Variants in TMPRSS15 observed in about 807,000 individuals in gnomAD.
The protein encoded by TMPRSS15 is enteropeptidase.
TMPRSS15 carries 128 observed loss-of-function variants against 125.3 expected under a neutral mutation model. The observed-to-expected ratio is 1.02, with a 90% CI of 0.89 to 1.18. TMPRSS15 has a LOEUF of 1.18. Ranked by LOEUF, TMPRSS15 falls within the 50% of genes most tolerant of loss-of-function variation. The probability of loss-of-function intolerance (pLI) is 0.00; values close to 1 mark genes in which losing one functional copy is unlikely to be tolerated. For missense variants in TMPRSS15, 1,283 were observed against 1,212.7 expected, an observed-to-expected ratio of 1.06 and a Z score of -0.86; for synonymous variants, 446 against 423.2, an observed-to-expected ratio of 1.05 and a Z score of -0.66.
intron 1 of TMPRSS15, among the ~76,000 whole-genome samples, chr21:18,473,777 T>C (rs1978824656): frequency 6.6e-6 from 1 of 152,150 alleles, no homozygotes; most frequent in Non-Finnish European, 1.5e-5. Context: ...TGTTTTTGCC[T>C]GCATATTGTA....
At chr21:18,436,943 A>G (rs1479573864) in intron 1 of TMPRSS15, among the ~76,000 whole-genome samples, 1 of 117,904 alleles carries the variant, frequency 8.5e-6, no homozygotes, top group East Asian at 2.4e-4. Context: ...CAAGCTACCA[A>G]CGACTTTCTT....
chr21:18,429,718 G>T (rs2076212349), intron 1 of TMPRSS15, among the ~76,000 whole-genome samples: 1 of 152,088 alleles, frequency 6.6e-6, no homozygotes, highest in Non-Finnish European at 1.5e-5. Flanking sequence ...CCAGTCTTGG[G>T]TATGTCTTTA....
At chr21:18,383,139 A>G (rs1475700619) in intron 4 of TMPRSS15, among the ~76,000 whole-genome samples, 2 of 152,062 alleles carry the variant, frequency 1.3e-5, no homozygotes, top group Non-Finnish European at 2.9e-5. Context: ...TGAACGGTGC[A>G]AAGAATGCGT....
At chr21:18,430,781 G>C (rs1474462023) in intron 1 of TMPRSS15, among the ~76,000 whole-genome samples, 4 of 152,116 alleles carry the variant, frequency 2.6e-5, no homozygotes, top group Non-Finnish European at 4.4e-5. Flanking sequence ...ATGTAGCTCT[G>C]ATATTCCCTT....
intron 1 of TMPRSS15, among the ~76,000 whole-genome samples, chr21:18,471,895 A>C (rs1248662451): frequency 6.6e-6 from 1 of 152,164 alleles, no homozygotes; most frequent in Non-Finnish European, 1.5e-5. Context: ...GAATCAGCGA[A>C]TCAGCACTCA....
chr21:18,313,188 A>G (rs2146936519), intron 17 of TMPRSS15, 111 bp from the exon 18 acceptor site: 1 of 790,702 alleles, frequency 1.3e-6, no homozygotes, highest in Non-Finnish European at 2.2e-6. Context: ...GAATAAGTTC[A>G]TGAGATCTCT....
At chr21:18,455,733 C>G (rs1978428278) in intron 1 of TMPRSS15, among the ~76,000 whole-genome samples, 1 of 152,150 alleles carries the variant, frequency 6.6e-6, no homozygotes, top group Non-Finnish European at 1.5e-5. Flanking sequence ...TAGCTATCAA[C>G]AGTGACAATC....
chr21:18,371,949 G>A (rs1185993490), intron 6 of TMPRSS15, among the ~76,000 whole-genome samples: 2 of 151,678 alleles, frequency 1.3e-5, no homozygotes, highest in African/African-American at 4.8e-5. Flanking sequence ...GTGATCAAAT[G>A]GAATTCTGTT....
chr21:18,306,735 A>T (rs754989256), intron 18 of TMPRSS15, among the ~76,000 whole-genome samples: 2 of 152,148 alleles, frequency 1.3e-5, no homozygotes, highest in Non-Finnish European at 2.9e-5. Context: ...TGGGTTAGTA[A>T]CAGGGAAATG....
chr21:18,353,867 C>T lies in TMPRSS15; in HGVS notation c.881-4G>A. On this transcript the variant is annotated splice_polypyrimidine_tract_variant and splice_region_variant and intron_variant, in intron 8 of 24. Transcript: ENST00000284885. ...GGATTAGTTTCCCAAATAGAAGCTA[C>T]AAAATAAAATAAACAACTGTTATAT... 6 of 1,609,336 alleles carry T rather than the reference C, an allele frequency of 3.7e-6. No homozygotes were observed. Among genetic ancestry groups the T allele is most frequent in the Non-Finnish European group, 5.1e-6 (6 of 1,176,606 alleles).
chr21:18,443,026 A>G (rs1388779037), intron 1 of TMPRSS15, among the ~76,000 whole-genome samples: 1 of 152,196 alleles, frequency 6.6e-6, no homozygotes, highest in Non-Finnish European at 1.5e-5. Context: ...GTTCAAATAT[A>G]CTGACCCATC....
At chr21:18,462,814 T>C (rs1978576303) in intron 1 of TMPRSS15, among the ~76,000 whole-genome samples, 3 of 151,902 alleles carry the variant, frequency 2.0e-5, no homozygotes, top group Admixed American at 2.0e-4. Flanking sequence ...GAGAGAAAGG[T>C]CAGGTTACCC....
intron 15 of TMPRSS15, among the ~76,000 whole-genome samples, chr21:18,327,539 G>A (rs2075304037): frequency 6.6e-6 from 1 of 152,030 alleles, no homozygotes; most frequent in African/African-American, 2.4e-5. Context: ...CTACATAAGG[G>A]TTGACTGATG....
rs760076873 is a variant in TMPRSS15, at chr21:18,306,090, G to A, written c.2165+6855C>T. Among the ~76,000 whole-genome samples the A allele has an allele frequency of 5.9e-5, 9 of 152,128 alleles. No homozygotes were observed. The South Asian group carries it at 6.2e-4, about 11-fold the overall frequency. ...TTATTTATTTCTGTGTAAAGTTAGCGAATTAAGTAGAAATCATCTAAAGCC... is the reference window on the plus strand; with the variant it reads ...TTATTTATTTCTGTGTAAAGTTAGCAAATTAAGTAGAAATCATCTAAAGCC... On this transcript the variant is annotated intron_variant, in intron 18 of 24. Coordinates refer to ENST00000284885, the MANE Select transcript of TMPRSS15 (RefSeq NM_002772.3).
At chr21:18,272,508 G>C (rs1282064150) in intron 24 of TMPRSS15, among the ~76,000 whole-genome samples, 1 of 152,104 alleles carries the variant, frequency 6.6e-6, no homozygotes, top group Non-Finnish European at 1.5e-5. Context: ...TGGATCACCT[G>C]AGATCAGGAG....
intron 1 of TMPRSS15, among the ~76,000 whole-genome samples, chr21:18,451,263 A>C (rs1185777602): frequency 6.6e-6 from 1 of 152,176 alleles, no homozygotes; most frequent in Non-Finnish European, 1.5e-5. Context: ...CTATTAGCTT[A>C]TCTGTTGTTA....
intron 17 of TMPRSS15, among the ~76,000 whole-genome samples, chr21:18,313,906 A>C (rs1601319577): frequency 2.0e-5 from 3 of 151,826 alleles, no homozygotes; most frequent in African/African-American, 7.3e-5. Context: ...AAAAAAAAAA[A>C]AAACCACTTT....
intron 16 of TMPRSS15, among the ~76,000 whole-genome samples, chr21:18,322,827 T>C (rs1348995821): frequency 6.6e-6 from 1 of 152,204 alleles, no homozygotes; most frequent in Non-Finnish European, 1.5e-5. Context: ...AAAATGACTA[T>C]AGTTAACAAT....
At position 18,353,601 on chromosome 21, in the gene TMPRSS15, C is replaced by T. The variant is rs1285295776; in HGVS notation, c.1021+122G>A. On this transcript the variant is annotated intron_variant, in intron 9 of 24. Transcript: ENST00000284885. ...TTTAAGTTCTAAGAAGAGAAAGATG[C>T]ACATACAAGATACTCATTATAAAAT... 2.9e-5 allele frequency: 23 copies of T among 792,854 alleles called. No homozygotes were observed. The South Asian group carries it at 4.1e-4, about 14-fold the overall frequency. 49.1% of individuals were successfully genotyped at this position (792,854 alleles called of 1,614,324 possible).
Sources: allele counts gnomAD v4.1 joint callset (sites outside exome capture counted in the v4.1 genomes callset), GRCh38; gene constraint gnomAD v4.1.1; transcripts MANE v1.5; gene names NCBI Gene and HGNC (gene_info 2026-07-23, HGNC 2026-07-21).